The following CC2D2A variants were observed in gnomAD, a reference collection of about 807,000 sequenced individuals.
CC2D2A encodes the protein coiled-coil and C2 domain-containing protein 2A.
Under a neutral mutation model 212.9 loss-of-function variants are expected in CC2D2A, and 155 were observed. That is an observed-to-expected ratio of 0.73 (90% CI 0.64 to 0.83). CC2D2A has a LOEUF of 0.83. Among genes scored for constraint, CC2D2A ranks in the 40% least tolerant of loss-of-function variants. The pLI is 0.00. For synonymous variants in CC2D2A, 667 were observed against 686.5 expected, an observed-to-expected ratio of 0.97 and a Z score of 0.44; for missense variants, 1,856 against 1,956.2, an observed-to-expected ratio of 0.95 and a Z score of 0.97.
At chr4:15,526,264 C>T (rs1230161076) in intron 11 of CC2D2A, among the ~76,000 whole-genome samples, 2 of 136,004 alleles carry the variant, frequency 1.5e-5, no homozygotes, top group Non-Finnish European at 3.5e-5. Context: ...GATATGATAC[C>T]TAGTGATCTA....
At chr4:15,486,717 T>C (rs1408979508) in intron 4 of CC2D2A, among the ~76,000 whole-genome samples, 1 of 152,048 alleles carries the variant, frequency 6.6e-6, no homozygotes, top group East Asian at 1.9e-4. Context: ...TGCTTTTGAT[T>C]TTCTGTTTCT....
chr4:15,519,403 T>G (rs1335418033), intron 11 of CC2D2A: 1 of 404,848 alleles, frequency 2.5e-6, no homozygotes, highest in East Asian at 7.3e-5. Flanking sequence ...AGTTCCAAAC[T>G]TTCCCACATT....
intron 11 of CC2D2A, among the ~76,000 whole-genome samples, chr4:15,524,651 CCGTGT>C (rs1266170388): frequency 4.0e-5 from 6 of 151,706 alleles, no homozygotes; most frequent in South Asian, 4.2e-4. Flanking sequence ...CGGGGTTTCA[CCGTGT>C]TAGCCAGGAT....
intron 23 of CC2D2A, among the ~76,000 whole-genome samples, chr4:15,561,045 G>T (rs963954201): frequency 3.3e-5 from 5 of 152,224 alleles, no homozygotes; most frequent in Non-Finnish European, 7.3e-5. Flanking sequence ...TTCTGGGGTG[G>T]ACGAGGAAAC....
At chr4:15,555,279 T>G (rs1719220374) in intron 20 of CC2D2A, 69 bp downstream of exon 20, 9 of 1,558,670 alleles carry the variant, frequency 5.8e-6, no homozygotes, top group Middle Eastern at 1.7e-4. Flanking sequence ...TTACACTATC[T>G]TCTCCTATGC....
intron 6 of CC2D2A, among the ~76,000 whole-genome samples, chr4:15,509,459 A>T (rs1261317009): frequency 6.6e-6 from 1 of 152,036 alleles, no homozygotes; most frequent in Non-Finnish European, 1.5e-5. Context: ...TTTTTAGTAA[A>T]GGTGGGGTTT....
At chr4:15,480,596 T>C in intron 3 of CC2D2A, 108 bp from the exon 4 acceptor site, 1 of 1,226,562 alleles carries the variant, frequency 8.2e-7, no homozygotes, top group Non-Finnish European at 1.1e-6. Context: ...TATCCAGATG[T>C]GAATAGTACT....
chr4:15,590,939 G>A (rs781484076), intron 33 of CC2D2A, among the ~76,000 whole-genome samples: 5 of 151,844 alleles, frequency 3.3e-5, no homozygotes, highest in Admixed American at 6.6e-5. Context: ...TATTGACTAG[G>A]CTCATCTCCA....
chr4:15,523,716 G>T (rs888115518), intron 11 of CC2D2A, among the ~76,000 whole-genome samples: 6 of 152,180 alleles, frequency 3.9e-5, no homozygotes, highest in Non-Finnish European at 5.9e-5. Flanking sequence ...ATGCCGGCAG[G>T]CCTCTCTTCC....
intron 36 of CC2D2A, 63 bp from the exon 37 acceptor site, chr4:15,601,174 G>C (rs1021426832): frequency 7.6e-7 from 1 of 1,316,972 alleles, no homozygotes. Flanking sequence ...ATACATTTAC[G>C]TAGGAAAAAA....
At chr4:15,518,561 C>T (rs1384740314) in intron 11 of CC2D2A, among the ~76,000 whole-genome samples, 2 of 152,222 alleles carry the variant, frequency 1.3e-5, no homozygotes, top group Admixed American at 6.5e-5. Context: ...AGTGTGGGAG[C>T]TCCAACCGCA....
intron 35 of CC2D2A, among the ~76,000 whole-genome samples, chr4:15,598,003 T>C (rs1391991802): frequency 6.6e-6 from 1 of 152,194 alleles, no homozygotes; most frequent in Non-Finnish European, 1.5e-5. Flanking sequence ...TCAAGACATG[T>C]GTACTATTTC....
intron 7 of CC2D2A, 21 bp from the exon 8 acceptor site, chr4:15,511,226 T>C: frequency 6.3e-7 from 1 of 1,580,284 alleles, no homozygotes; most frequent in Non-Finnish European, 8.6e-7. Context: ...GAAATTGCGA[T>C]TGCTCCTTGC....
chr4:15,531,737 A>C (rs957317423), intron 13 of CC2D2A, among the ~76,000 whole-genome samples: 20 of 152,250 alleles, frequency 1.3e-4, no homozygotes, highest in African/African-American at 4.8e-4. Flanking sequence ...TCTTGCTAAG[A>C]GCTCTTTTTA....
At chr4:15,548,153 C>G (rs1447524653) in intron 17 of CC2D2A, among the ~76,000 whole-genome samples, 1 of 149,808 alleles carries the variant, frequency 6.7e-6, no homozygotes, top group Admixed American at 6.6e-5. Flanking sequence ...CAGATAGAAT[C>G]CGTTTTTTTC....
intron 11 of CC2D2A, among the ~76,000 whole-genome samples, chr4:15,517,605 T>C (rs955936999): frequency 2.6e-5 from 4 of 152,190 alleles, no homozygotes; most frequent in African/African-American, 9.7e-5. Flanking sequence ...CCAGGCTTGC[T>C]GTGTAAATTG....
At position 15,516,003 on chromosome 4, in the gene CC2D2A, C is replaced by A; in HGVS notation, c.1016C>A (p.Pro339His). ...IMENRLLMQD[P>H]ERRWFGDDGR... is the part of the protein sequence containing the mutation. The stretch of plus-strand genomic sequence containing the variant: ...GAGAACAGATTGCTGATGCAGGACC[C>A]CGTAAGTGTGCACCCTCTGCTCTCA... Residue 339 changes from proline to histidine, a missense_variant and splice_region_variant, in exon 10 of 37, where the codon CCC becomes CAC. Pro to His is a moderately conservative substitution (Grantham distance 77). Coordinates refer to ENST00000424120, the MANE Select transcript of CC2D2A (RefSeq NM_001378615.1). The A allele has an allele frequency of 1.3e-6, 2 of 1,590,524 alleles. No individual in the cohort carries two copies. The highest frequency in any genetic ancestry group is 2.3e-5 in the East Asian group (1 of 43,946).
intron 4 of CC2D2A, chr4:15,492,674 G>A: frequency 3.2e-6 from 2 of 618,686 alleles, no homozygotes; most frequent in Non-Finnish European, 6.0e-6. Flanking sequence ...GCAGCTGAGG[G>A]TCTCTCTCTT....
chr4:15,475,681 T>C (rs1714163460), intron 1 of CC2D2A, among the ~76,000 whole-genome samples: 1 of 152,078 alleles, frequency 6.6e-6, no homozygotes, highest in African/African-American at 2.4e-5. Context: ...GCCATCCAAC[T>C]CTATGGGCAC....
Sources: allele counts gnomAD v4.1 joint callset (sites outside exome capture counted in the v4.1 genomes callset), GRCh38; gene constraint gnomAD v4.1.1; transcripts MANE v1.5; gene names NCBI Gene and HGNC (gene_info 2026-07-23, HGNC 2026-07-21).